Variants in UNC79 observed in about 807,000 individuals in gnomAD.
UNC79 encodes the protein unc-79 subunit of NALCN channel complex.
A neutral mutation model predicts 283.1 loss-of-function variants in UNC79; 37 were observed. That is an observed-to-expected ratio of 0.13 (90% CI 0.10 to 0.17). UNC79 has a LOEUF of 0.17. Among genes scored for constraint, UNC79 ranks in the 10% least tolerant of loss-of-function variants. UNC79 has a pLI of 1.00. For synonymous variants in UNC79, 1,107 were observed against 1,200.2 expected, an observed-to-expected ratio of 0.92 and a Z score of 1.61; for missense variants, 2,272 against 3,211.1, an observed-to-expected ratio of 0.71 and a Z score of 7.07.
intron 26 of UNC79, among the ~76,000 whole-genome samples, chr14:93,606,966 G>A (rs776502677): frequency 4.3e-4 from 66 of 152,180 alleles, no homozygotes; most frequent in Non-Finnish European, 1.5e-4. Context: ...GCTTGTTGGT[G>A]ACTGTTCTGG....
At chr14:93,467,429 C>G (rs967021834) in intron 1 of UNC79, among the ~76,000 whole-genome samples, 1 of 147,006 alleles carries the variant, frequency 6.8e-6, no homozygotes, top group African/African-American at 2.5e-5. Context: ...AACCAGAAAA[C>G]TAAGAATAAT....
intron 42 of UNC79, among the ~76,000 whole-genome samples, chr14:93,683,128 A>C (rs1055604438): frequency 2.6e-5 from 4 of 151,628 alleles, no homozygotes; most frequent in African/African-American, 9.7e-5. Context: ...GAATGACTAA[A>C]CTATGTTTTT....
At chr14:93,486,650 GTC>G (rs1234107299) in intron 4 of UNC79, among the ~76,000 whole-genome samples, 10 of 97,956 alleles carry the variant, frequency 1.0e-4, no homozygotes, top group African/African-American at 5.2e-4. Context: ...GTGAGACTCT[GTC>G]TAAGGAAAAA....
intron 10 of UNC79, among the ~76,000 whole-genome samples, chr14:93,532,073 G>A (rs940322652): frequency 1.3e-5 from 2 of 152,018 alleles, no homozygotes; most frequent in African/African-American, 4.8e-5. Flanking sequence ...AAAAGTAGAC[G>A]ATAATTTATG....
chr14:93,655,545 T>C (rs1220138641), intron 38 of UNC79, 138 bp downstream of exon 41: 1 of 1,037,272 alleles, frequency 9.6e-7, no homozygotes, highest in Non-Finnish European at 1.4e-6. Context: ...GGAGTGAGGA[T>C]GCTTATTTGG....
At chr14:93,610,514 C>A (rs2066220019) in intron 26 of UNC79, among the ~76,000 whole-genome samples, 1 of 152,162 alleles carries the variant, frequency 6.6e-6, no homozygotes. Flanking sequence ...ATATTCTTGG[C>A]CCAAACATGT....
At chr14:93,444,342 G>A (rs750908003) in intron 1 of UNC79, among the ~76,000 whole-genome samples, 1 of 151,922 alleles carries the variant, frequency 6.6e-6, no homozygotes, top group Non-Finnish European at 1.5e-5. Context: ...CTGAATACAA[G>A]TTCATTGTTT....
Position 93,690,484 on chromosome 14 carries a change from T to TC in UNC79, c.7272+187dup. 1.6e-6 allele frequency: 1 copy of TC among 610,006 alleles called. No homozygotes were observed. The highest frequency in any genetic ancestry group is 2.5e-6 in the Non-Finnish European group (1 of 394,478). 37.8% of individuals were successfully genotyped at this position (610,006 alleles called of 1,614,324 possible). ...GTTGTTTAGATTCCCAGACTGTCTT[T>TC]CCCCCCGCCCCCAAATTGTTTTTCG... On this transcript the variant is annotated intron_variant, in intron 45 of 48. Transcript: ENST00000555664. This position sits in a 1 kb window ranked among gnomAD's most constrained non-coding sequence, Gnocchi z 4.3.
chr14:93,492,047 G>T (rs1034726890), intron 5 of UNC79, among the ~76,000 whole-genome samples: 1 of 152,172 alleles, frequency 6.6e-6, no homozygotes, highest in Non-Finnish European at 1.5e-5. Flanking sequence ...ATCAAGGATA[G>T]AACACAATCC....
At chr14:93,583,366 G>A (rs1343081996) in intron 20 of UNC79, among the ~76,000 whole-genome samples, 8 of 148,022 alleles carry the variant, frequency 5.4e-5, no homozygotes, top group Non-Finnish European at 1.2e-4. Flanking sequence ...GCTCCTGGGA[G>A]CCCACTCCAG....
intron 1 of UNC79, among the ~76,000 whole-genome samples, chr14:93,422,370 A>T (rs2055619128): frequency 6.8e-6 from 1 of 147,212 alleles, no homozygotes; most frequent in Non-Finnish European, 1.5e-5. Flanking sequence ...CTTATCATGC[A>T]GATGAAGCCT....
At chr14:93,620,320 C>A (rs1005063024) in intron 29 of UNC79, among the ~76,000 whole-genome samples, 1 of 152,124 alleles carries the variant, frequency 6.6e-6, no homozygotes, top group African/African-American at 2.4e-5. Flanking sequence ...CTTTTCTAAG[C>A]TTTTTCTGTG....
Position 93,659,189 on chromosome 14 carries a change from A to G in UNC79, c.6457-4A>G. The G allele has an allele frequency of 1.2e-6, 2 of 1,604,234 alleles. No individual in the cohort carries two copies. Among genetic ancestry groups the G allele is most frequent in the Non-Finnish European group, 1.7e-6 (2 of 1,174,564 alleles). On this transcript the variant is annotated splice_region_variant and splice_polypyrimidine_tract_variant and intron_variant, in intron 38 of 48. Transcript: ENST00000555664. ...TTTTTACTTTTTTTCATATTTATTC[A>G]CAGTGTTCTTTAGATTCCAGTTTAA...
At chr14:93,613,906 T>C (rs1331738887) in intron 27 of UNC79, among the ~76,000 whole-genome samples, 1 of 152,220 alleles carries the variant, frequency 6.6e-6, no homozygotes, top group Admixed American at 6.5e-5. Context: ...CTTTGTTTGG[T>C]GTAAAACAGC....
intron 34 of UNC79, 128 bp from the exon 38 acceptor site, chr14:93,646,480 G>A (rs1043967496): frequency 4.5e-6 from 4 of 880,752 alleles, no homozygotes; most frequent in African/African-American, 1.7e-5. Context: ...GTACTGTCAA[G>A]GGAATTGTCA....
intron 14 of UNC79, among the ~76,000 whole-genome samples, chr14:93,569,591 A>G (rs1262644980): frequency 1.3e-5 from 2 of 152,168 alleles, no homozygotes; most frequent in Non-Finnish European, 2.9e-5. Context: ...ATATTTGCCT[A>G]TTGTCAGGTT....
chr14:93,339,437 CT>C (rs2053652836), intron 1 of UNC79, among the ~76,000 whole-genome samples: 3 of 152,248 alleles, frequency 2.0e-5, no homozygotes, highest in African/African-American at 7.2e-5. Context: ...GTAGCTGGGA[CT>C]ACAGGTGCCT....
intron 1 of UNC79, among the ~76,000 whole-genome samples, chr14:93,392,640 G>A (rs1442433480): frequency 1.3e-5 from 2 of 152,112 alleles, no homozygotes; most frequent in East Asian, 1.9e-4. Flanking sequence ...GCCAACAGGA[G>A]TTCTCAGATA....
At chr14:93,637,234 A>G (rs2068586002) in exon 32 of UNC79, 1 of 1,369,412 alleles carries the variant, frequency 7.3e-7, no homozygotes, top group Admixed American at 1.7e-5. Flanking sequence ...CAGCCTGGGA[A>G]ACGCCAGTGT....
Sources: allele counts gnomAD v4.1 joint callset (sites outside exome capture counted in the v4.1 genomes callset), GRCh38; gene constraint gnomAD v4.1.1; non-coding constraint Gnocchi (gnomAD v3.1); transcripts MANE v1.5; gene names NCBI Gene and HGNC (gene_info 2026-07-23, HGNC 2026-07-21).